CAMK4: variants seen among roughly 807,000 people sequenced by gnomAD.
CAMK4 encodes the protein calcium/calmodulin-dependent protein kinase type IV.
CAMK4 carries 22 observed loss-of-function variants against 44.9 expected under a neutral mutation model. That is an observed-to-expected ratio of 0.49 (90% CI 0.35 to 0.70). The LOEUF (loss-of-function observed/expected upper bound fraction) is 0.70. CAMK4 is among the 30% of genes least tolerant of loss of function. The pLI is 0.01. For synonymous variants in CAMK4, 218 were observed against 215.4 expected, an observed-to-expected ratio of 1.01 and a Z score of -0.11; for missense variants, 498 against 586.8, an observed-to-expected ratio of 0.85 and a Z score of 1.56.
At chr5:111,388,228 A>C (rs1308707387) in intron 4 of CAMK4, among the ~76,000 whole-genome samples, 1 of 152,198 alleles carries the variant, frequency 6.6e-6, no homozygotes, top group Non-Finnish European at 1.5e-5. Flanking sequence ...CTTGCCCCAC[A>C]TATCTACTCT....
chr5:111,224,378 C>T, upstream of CAMK4: 2 of 1,392,412 alleles, frequency 1.4e-6, no homozygotes, highest in Non-Finnish European at 9.3e-7. This position sits in a 1 kb window ranked among gnomAD's most constrained non-coding sequence, Gnocchi z 5.7. Context: ...GTGAAGGACG[C>T]CGCCTCTCTC....
chr5:111,230,399 C>T (rs1047010050), intron 1 of CAMK4, among the ~76,000 whole-genome samples: 1 of 152,164 alleles, frequency 6.6e-6, no homozygotes, highest in Non-Finnish European at 1.5e-5. Context: ...CCAAGCTATA[C>T]CATCCACTAA....
In CAMK4 at chr5:111,491,450, T is replaced by G. The variant is rs1355947706; in HGVS notation, c.*6984T>G. 3.3e-5 allele frequency: 5 copies of G among 152,190 alleles called. No homozygotes were observed. In the South Asian group the frequency reaches 6.2e-4, roughly 19 times the overall value. 9.4% of individuals were successfully genotyped at this position (152,190 alleles called of 1,614,324 possible). A position where few individuals can be genotyped will look rare whatever the true frequency, so the allele number is the denominator to read the frequency against. On this transcript the variant is annotated 3_prime_UTR_variant, in exon 11 of 11. Coordinates refer to ENST00000282356, the MANE Select transcript of CAMK4 (RefSeq NM_001744.6). ...CAGTTTGTTTTTTTTTTTTTCTCCT[T>G]AGCTTAAGGTTCGTATTCCCATTTG...
rs1225216780 is a variant in CAMK4 at position 111,494,039 on chromosome 5, A to G, written c.*9573A>G. 6.6e-6 allele frequency: 1 copy of G among 152,158 alleles called. No individual in the cohort carries two copies. The allele number at this position is 152,158 out of a possible 1,614,324, so 9.4% of individuals were successfully genotyped here. A position where few individuals can be genotyped will look rare whatever the true frequency, so the allele number is the denominator to read the frequency against. On this transcript the variant is annotated 3_prime_UTR_variant, in exon 11 of 11. Transcript: ENST00000282356. ...CTGGATGTGTTTTCTAGTCTTTCCT[A>G]AAGGAGAAATTTTTATTCCTGGGTT...
chr5:111,440,805 G>C (rs1753796089), intron 5 of CAMK4, among the ~76,000 whole-genome samples: 1 of 152,170 alleles, frequency 6.6e-6, no homozygotes, highest in Non-Finnish European at 1.5e-5. Context: ...TCTGATCAAA[G>C]TATCCTTTGA....
intron 1 of CAMK4, among the ~76,000 whole-genome samples, chr5:111,240,717 C>T (rs1391287160): frequency 2.6e-5 from 4 of 152,028 alleles, no homozygotes; most frequent in South Asian, 2.1e-4. Flanking sequence ...GAAGGCCTCT[C>T]GGTAAAGGAG....
Position 111,484,405 on chromosome 5 carries a change from A to G in CAMK4, c.1361A>G (p.Gln454Arg). ...VEEAAAPREG[Q>R]GSSAVGFEVP... ...GAGGCAGCAGCTCCCAGAGAAGGGCAAGGAAGCTCTGCTGTGGGTTTTGAA... is the reference window on the plus strand; with the variant it reads ...GAGGCAGCAGCTCCCAGAGAAGGGCGAGGAAGCTCTGCTGTGGGTTTTGAA... The change falls in exon 11 of 11, where the codon CAA (glutamine) becomes CGA (arginine). Residue 454 changes from glutamine to arginine, a missense_variant. Gln to Arg is a conservative substitution (Grantham distance 43). This residue lies in a region of CAMK4 where 143 missense variants were observed against 144.9 expected (regional missense o/e 0.99). Coordinates refer to ENST00000282356, the MANE Select transcript of CAMK4 (RefSeq NM_001744.6). The surrounding 1 kb of genome is among the most constrained non-coding windows in gnomAD (Gnocchi z 5.3). 6.4e-7 allele frequency: 1 copy of G among 1,570,804 alleles called. No individual in the cohort carries two copies. Among genetic ancestry groups the G allele is most frequent in the Non-Finnish European group, 8.6e-7 (1 of 1,160,224 alleles).
chr5:111,309,518 T>A (rs1434325523), intron 1 of CAMK4, among the ~76,000 whole-genome samples: 1 of 152,148 alleles, frequency 6.6e-6, no homozygotes, highest in African/African-American at 2.4e-5. Context: ...CTGAACCTCC[T>A]TAAGCTAAAG....
intron 4 of CAMK4, among the ~76,000 whole-genome samples, chr5:111,393,927 C>G (rs1408421903): frequency 6.9e-6 from 1 of 145,740 alleles, no homozygotes; most frequent in Admixed American, 6.9e-5. Flanking sequence ...CTCTAAAGAT[C>G]AAGTGACCAG....
At chr5:111,315,575 G>C (rs1184757505) in intron 1 of CAMK4, among the ~76,000 whole-genome samples, 4 of 152,242 alleles carry the variant, frequency 2.6e-5, no homozygotes, top group Middle Eastern at 3.4e-3. Flanking sequence ...GACAATCTTA[G>C]TTGTGGAAGA....
intron 7 of CAMK4, among the ~76,000 whole-genome samples, chr5:111,451,720 A>G (rs1363702861): frequency 6.6e-6 from 1 of 152,052 alleles, no homozygotes; most frequent in South Asian, 2.1e-4. Context: ...CCTGGCCAAC[A>G]TGGTGAAAAA....
chr5:111,225,299 T>G (rs1748133615), intron 1 of CAMK4, among the ~76,000 whole-genome samples: 1 of 152,168 alleles, frequency 6.6e-6, no homozygotes, highest in Non-Finnish European at 1.5e-5. Context: ...CTGGAGTGAT[T>G]TATTTAAATT....
chr5:111,327,521 C>T (rs1263046245), intron 1 of CAMK4, among the ~76,000 whole-genome samples: 31 of 152,192 alleles, frequency 2.0e-4, no homozygotes, highest in African/African-American at 7.2e-4. Context: ...TGGGTATATA[C>T]CCAGTAATGG....
intron 2 of CAMK4, among the ~76,000 whole-genome samples, chr5:111,364,260 G>A (rs555623291): frequency 4.6e-5 from 7 of 152,106 alleles, no homozygotes; most frequent in African/African-American, 1.7e-4. Flanking sequence ...GATAAAAGAA[G>A]CAAGAGAAAA....
chr5:111,261,576 T>TC (rs60608808), intron 1 of CAMK4, among the ~76,000 whole-genome samples: 33 of 149,056 alleles, frequency 2.2e-4, no homozygotes, highest in Non-Finnish European at 4.0e-4. Context: ...TTTTTTTTTT[T>TC]CCAGGTCACC....
Position 111,494,282 on chromosome 5 carries a change from T to G in CAMK4, c.*9816T>G, listed in dbSNP as rs556072015. 5 of 152,150 alleles carry G rather than the reference T, an allele frequency of 3.3e-5. No homozygotes were observed. Among genetic ancestry groups the G allele is most frequent in the Non-Finnish European group, 5.9e-5 (4 of 68,014 alleles). The allele number at this position is 152,150 out of a possible 1,614,324, so 9.4% of individuals were successfully genotyped here. ...ATAGGCTACCTTCCCAACTTCTAAT[T>G]TGAAGAGCACTGAAAATGGAGCTGT... On this transcript the variant is annotated 3_prime_UTR_variant, in exon 11 of 11. Transcript: ENST00000282356.
At chr5:111,288,693 G>A (rs1018473287) in intron 1 of CAMK4, among the ~76,000 whole-genome samples, 1 of 152,194 alleles carries the variant, frequency 6.6e-6, no homozygotes, top group Non-Finnish European at 1.5e-5. Flanking sequence ...AGAACATGGG[G>A]TAGAGAGTAT....
intron 1 of CAMK4, among the ~76,000 whole-genome samples, chr5:111,242,965 A>G (rs1257270612): frequency 6.6e-6 from 1 of 152,042 alleles, no homozygotes; most frequent in East Asian, 1.9e-4. Context: ...CTCTGCCTCT[A>G]CTTTTTAGTG....
chr5:111,351,682 G>A (rs1332608598), intron 2 of CAMK4, among the ~76,000 whole-genome samples: 2 of 151,980 alleles, frequency 1.3e-5, no homozygotes, highest in Non-Finnish European at 2.9e-5. Flanking sequence ...AAAGTGCTGG[G>A]ATTATAGGCG....
Sources: allele counts gnomAD v4.1 joint callset (sites outside exome capture counted in the v4.1 genomes callset), GRCh38; gene constraint gnomAD v4.1.1; regional missense constraint gnomAD v4.1.1; non-coding constraint Gnocchi (gnomAD v3.1); transcripts MANE v1.5; gene names NCBI Gene and HGNC (gene_info 2026-07-23, HGNC 2026-07-21).